PAK5: variants seen among roughly 807,000 people sequenced by gnomAD.
PAK5 encodes the protein p21 (RAC1) activated kinase 5.
Under a neutral mutation model 65.9 loss-of-function variants are expected in PAK5, and 16 were observed. The ratio of observed to expected loss-of-function variants is 0.24; its 90% CI spans 0.16 to 0.37. PAK5 has a LOEUF of 0.37. Among genes scored for constraint, PAK5 ranks in the 10% least tolerant of loss-of-function variants. PAK5 has a pLI of 1.00. For synonymous variants in PAK5, 371 were observed against 354.9 expected, an observed-to-expected ratio of 1.05 and a Z score of -0.51; for missense variants, 785 against 903.9, an observed-to-expected ratio of 0.87 and a Z score of 1.69.
intron 3 of PAK5, among the ~76,000 whole-genome samples, chr20:9,631,181 C>T (rs1393985864): frequency 1.3e-5 from 2 of 152,160 alleles, no homozygotes; most frequent in Non-Finnish European, 2.9e-5. Flanking sequence ...AGGGTGACCC[C>T]TCAATGATTC....
chr20:9,820,264 A>G (rs993663876), intron 1 of PAK5, among the ~76,000 whole-genome samples: 1 of 152,234 alleles, frequency 6.6e-6, no homozygotes, highest in Non-Finnish European at 1.5e-5. Flanking sequence ...TGAGAGTTAG[A>G]AATAAGTAGA....
intron 1 of PAK5, among the ~76,000 whole-genome samples, chr20:9,769,642 G>A (rs547115528): frequency 9.2e-5 from 14 of 152,308 alleles, no homozygotes; most frequent in Non-Finnish European, 1.3e-4. Flanking sequence ...CTTCAAGCCC[G>A]GTTAGACAGA....
chr20:9,541,887 G>A (rs978319818), intron 9 of PAK5, among the ~76,000 whole-genome samples: 28 of 152,098 alleles, frequency 1.8e-4, no homozygotes, highest in Admixed American at 1.4e-3. Flanking sequence ...TCCCCTGTGC[G>A]CTCTCTCTCT....
intron 3 of PAK5, among the ~76,000 whole-genome samples, chr20:9,614,837 A>C (rs188754057): frequency 6.6e-6 from 1 of 152,372 alleles, no homozygotes; most frequent in African/African-American, 2.4e-5. Context: ...GAAGTTATTC[A>C]AGGCAATAAA....
chr20:9,719,441 T>C (rs2048188664), intron 1 of PAK5, among the ~76,000 whole-genome samples: 1 of 152,132 alleles, frequency 6.6e-6, no homozygotes, highest in African/African-American at 2.4e-5. Context: ...CTGGTTTGAG[T>C]TTCTGGCCTT....
chr20:9,632,815 A>G (rs1358748828), intron 3 of PAK5, among the ~76,000 whole-genome samples: 5 of 152,236 alleles, frequency 3.3e-5, no homozygotes, highest in African/African-American at 9.6e-5. Context: ...GTTTATGCAC[A>G]TAACAGTTTT....
chr20:9,600,866 C>T (rs1406822717), intron 3 of PAK5, among the ~76,000 whole-genome samples: 1 of 152,192 alleles, frequency 6.6e-6, no homozygotes, highest in African/African-American at 2.4e-5. Flanking sequence ...AGGGCCCATG[C>T]ATGGCTCAAA....
intron 3 of PAK5, among the ~76,000 whole-genome samples, chr20:9,609,855 G>T (rs1258656289): frequency 6.6e-6 from 1 of 152,128 alleles, no homozygotes; most frequent in African/African-American, 2.4e-5. Flanking sequence ...AAATGGAGTG[G>T]AAAGAAATCC....
Position 9,792,482 on chromosome 20 carries a change from A to C in PAK5, c.-162+46280T>G, listed in dbSNP as rs539605874. ...GGAATTATACTCCCCAGTCCATGAC[A>C]GTATCAGGAGTTATTTTCACATGAG... is the stretch of plus-strand genomic sequence containing the variant. On this transcript the variant is annotated intron_variant, in intron 1 of 9. Coordinates refer to ENST00000353224, the MANE Select transcript of PAK5 (RefSeq NM_177990.4). Among the ~76,000 whole-genome samples the C allele has an allele frequency of 6.8e-4, 103 of 152,314 alleles. 3 individuals are homozygous for C. The South Asian group carries it at 0.02, about 30-fold the overall frequency.
At chr20:9,590,062 A>G (rs974556061) in intron 3 of PAK5, among the ~76,000 whole-genome samples, 1 of 151,952 alleles carries the variant, frequency 6.6e-6, no homozygotes, top group Admixed American at 6.6e-5. Flanking sequence ...ATCATAGCTC[A>G]CTATAGCTTC....
intron 3 of PAK5, among the ~76,000 whole-genome samples, chr20:9,589,822 C>T (rs1246100245): frequency 6.6e-6 from 1 of 152,072 alleles, no homozygotes; most frequent in African/African-American, 2.4e-5. Context: ...AGATATGCAC[C>T]ACCATGACCA....
At position 9,774,702 on chromosome 20, in the gene PAK5, G is replaced by A. The variant is rs544213817; in HGVS notation, c.-161-63267C>T. 5.9e-5 allele frequency among the ~76,000 whole-genome samples: 9 copies of A among 152,198 alleles called. No individual in the cohort carries two copies. In the South Asian group the frequency reaches 1.9e-3, roughly 32 times the overall value. On this transcript the variant is annotated intron_variant, in intron 1 of 9. Coordinates refer to ENST00000353224, the MANE Select transcript of PAK5 (RefSeq NM_177990.4). ...AGAACTACTCACTAGAGGAGCTGACGGACGACCAAGGTGGGCAGATCACGA... is the reference window on the plus strand; with the variant it reads ...AGAACTACTCACTAGAGGAGCTGACAGACGACCAAGGTGGGCAGATCACGA...
chr20:9,601,595 T>C (rs185110915), intron 3 of PAK5, among the ~76,000 whole-genome samples: 21 of 152,292 alleles, frequency 1.4e-4, no homozygotes, highest in Admixed American at 5.9e-4. Context: ...TCCTTCCCTG[T>C]GATGATGATA....
rs537607149 is a variant in PAK5 at position 9,766,146 on chromosome 20, C to T, written c.-161-54711G>A. Among the ~76,000 whole-genome samples, 42 of 151,046 alleles carry T rather than the reference C, an allele frequency of 2.8e-4. No homozygotes were observed. In the South Asian group the frequency reaches 7.7e-3, roughly 28 times the overall value. On this transcript the variant is annotated intron_variant, in intron 1 of 9. Transcript: ENST00000353224. ...CTGGGGCAGAAGAATCACTTGAACC[C>T]GGAAGGCAGAGGTTGCAGTGAGCTG...
chr20:9,774,412 T>C (rs2048865796), intron 1 of PAK5, among the ~76,000 whole-genome samples: 1 of 152,208 alleles, frequency 6.6e-6, no homozygotes, highest in African/African-American at 2.4e-5. Flanking sequence ...GCTGGACTTT[T>C]CATACATTGC....
At chr20:9,659,005 G>T (rs2047307846) in intron 2 of PAK5, among the ~76,000 whole-genome samples, 1 of 152,084 alleles carries the variant, frequency 6.6e-6, no homozygotes, top group South Asian at 2.1e-4. Flanking sequence ...CCACCAACAG[G>T]TAAAAAGCCC....
At chr20:9,807,438 T>C (rs940367035) in intron 1 of PAK5, among the ~76,000 whole-genome samples, 37 of 152,050 alleles carry the variant, frequency 2.4e-4, no homozygotes, top group Non-Finnish European at 1.6e-4. Context: ...TAAATACCTT[T>C]GAGAAAAACT....
At chr20:9,734,047 C>A (rs921329744) in intron 1 of PAK5, among the ~76,000 whole-genome samples, 1 of 152,170 alleles carries the variant, frequency 6.6e-6, no homozygotes, top group Admixed American at 6.5e-5. Context: ...CTTCCAAAGA[C>A]CATCATAGAG....
intron 1 of PAK5, among the ~76,000 whole-genome samples, chr20:9,812,288 C>CAA (rs921265782): frequency 7.0e-6 from 1 of 141,972 alleles, no homozygotes; most frequent in Non-Finnish European, 1.5e-5. Context: ...AGCTCAATAA[C>CAA]AAAAAAAAAA....
Sources: allele counts gnomAD v4.1 joint callset (sites outside exome capture counted in the v4.1 genomes callset), GRCh38; gene constraint gnomAD v4.1.1; transcripts MANE v1.5; gene names NCBI Gene and HGNC (gene_info 2026-07-23, HGNC 2026-07-21).